The following SAMD4A variants were observed in gnomAD, a reference collection of about 807,000 sequenced individuals.
The protein encoded by SAMD4A is sterile alpha motif domain containing 4A.
In SAMD4A, 33 loss-of-function variants were observed where a neutral mutation model predicts 81.3. The ratio of observed to expected loss-of-function variants is 0.41; its 90% CI spans 0.31 to 0.54. The LOEUF is 0.54. Ranked by LOEUF, SAMD4A falls within the 20% of genes least tolerant of loss-of-function variation. The probability of loss-of-function intolerance (pLI) is 0.37; values close to 1 mark genes in which losing one functional copy is unlikely to be tolerated. For synonymous variants in SAMD4A, 389 were observed against 382.1 expected (o/e 1.02, Z -0.21); for missense variants, 854 against 951.1 (o/e 0.90, Z 1.34).
chr14:54,569,879 A>G (rs2033077985), intron 2 of SAMD4A, among the ~76,000 whole-genome samples: 1 of 152,222 alleles, frequency 6.6e-6, no homozygotes, highest in African/African-American at 2.4e-5. Context: ...TTTTCCCAAT[A>G]GAGCAGCCAC....
intron 3 of SAMD4A, among the ~76,000 whole-genome samples, chr14:54,725,633 A>G (rs771694777): frequency 6.6e-6 from 1 of 152,240 alleles, no homozygotes; most frequent in Non-Finnish European, 1.5e-5. Context: ...TTCCATTAGC[A>G]GTGTTGGTTT....
chr14:54,582,396 T>C (rs1420083646), intron 2 of SAMD4A, among the ~76,000 whole-genome samples: 2 of 152,168 alleles, frequency 1.3e-5, no homozygotes, highest in African/African-American at 4.8e-5. Flanking sequence ...TCAGCTGTTA[T>C]TCAGTCCTTG....
intron 2 of SAMD4A, among the ~76,000 whole-genome samples, chr14:54,592,131 TC>T (rs2033794521): frequency 1.3e-5 from 2 of 152,174 alleles, no homozygotes; most frequent in Admixed American, 6.5e-5. Flanking sequence ...CGTTTATTCT[TC>T]CTTGACCACC....
chr14:54,625,809 AC>A (rs1345974106), intron 2 of SAMD4A, among the ~76,000 whole-genome samples: 1 of 152,176 alleles, frequency 6.6e-6, no homozygotes, highest in Non-Finnish European at 1.5e-5. Context: ...GGTCACTCTT[AC>A]TTGACTTTGC....
intron 12 of SAMD4A, among the ~76,000 whole-genome samples, chr14:54,784,981 G>T (rs988075669): frequency 6.6e-6 from 1 of 152,200 alleles, no homozygotes; most frequent in African/African-American, 2.4e-5. Flanking sequence ...ATGAGACATG[G>T]CTTTTAGTAG....
chr14:54,575,265 A>G (rs2033254497), intron 2 of SAMD4A, among the ~76,000 whole-genome samples: 2 of 151,836 alleles, frequency 1.3e-5, no homozygotes, highest in Non-Finnish European at 2.9e-5. Context: ...TCAGAATCTG[A>G]CTCTCCTCAG....
chr14:54,786,485 C>T (rs1187019284), intron 12 of SAMD4A, among the ~76,000 whole-genome samples: 1 of 152,208 alleles, frequency 6.6e-6, no homozygotes, highest in Non-Finnish European at 1.5e-5. Context: ...GACAGTCTCC[C>T]TGGGGCCAGA....
intron 4 of SAMD4A, among the ~76,000 whole-genome samples, chr14:54,742,972 G>A (rs747952870): frequency 3.0e-4 from 46 of 152,328 alleles, no homozygotes; most frequent in Admixed American, 7.8e-4. Flanking sequence ...CTCTGAAATA[G>A]CGGGTTTGGG....
intron 2 of SAMD4A, among the ~76,000 whole-genome samples, 181 bp downstream of exon 2, chr14:54,568,293 C>A (rs2033011533): frequency 6.6e-6 from 1 of 152,140 alleles, no homozygotes; most frequent in East Asian, 1.9e-4. Context: ...CGCCCCCCAC[C>A]TACTTACCTC....
intron 7 of SAMD4A, among the ~76,000 whole-genome samples, chr14:54,761,051 T>C (rs184572343): frequency 8.5e-5 from 13 of 152,378 alleles, no homozygotes; most frequent in Admixed American, 3.9e-4. Context: ...TGTTTTGTTC[T>C]CATTCTCCCG....
chr14:54,719,152 T>G (rs2037197850), intron 3 of SAMD4A, among the ~76,000 whole-genome samples: 1 of 152,112 alleles, frequency 6.6e-6, no homozygotes, highest in Non-Finnish European at 1.5e-5. Flanking sequence ...TGAATGGGGC[T>G]TTGGCTGGGC....
intron 6 of SAMD4A, among the ~76,000 whole-genome samples, chr14:54,755,079 G>A (rs561670362): frequency 1.3e-5 from 2 of 152,320 alleles, no homozygotes; most frequent in African/African-American, 4.8e-5. Flanking sequence ...CAGAAGAGCT[G>A]GATGTTGGCC....
intron 2 of SAMD4A, among the ~76,000 whole-genome samples, chr14:54,662,966 C>T (rs1380639183): frequency 1.3e-5 from 2 of 152,166 alleles, no homozygotes; most frequent in East Asian, 1.9e-4. Context: ...ACTCTGCAGA[C>T]GTACAGCCTT....
intron 2 of SAMD4A, among the ~76,000 whole-genome samples, chr14:54,609,805 C>T (rs1380077071): frequency 6.6e-6 from 1 of 152,158 alleles, no homozygotes; most frequent in Non-Finnish European, 1.5e-5. Context: ...CAAAAGTTAG[C>T]AATCTTGTTA....
intron 2 of SAMD4A, chr14:54,688,328 T>C: frequency 1.0e-6 from 1 of 985,470 alleles, no homozygotes; most frequent in Non-Finnish European, 1.2e-6. Context: ...ACGCCCAGGC[T>C]TCTCTGGGCT....
intron 2 of SAMD4A, among the ~76,000 whole-genome samples, chr14:54,636,485 A>G (rs922900669): frequency 6.6e-6 from 1 of 152,192 alleles, no homozygotes; most frequent in African/African-American, 2.4e-5. Context: ...TCTGACTTAT[A>G]CTTTAAAAAG....
chr14:54,591,151 A>G (rs1198358584), intron 2 of SAMD4A, among the ~76,000 whole-genome samples: 2 of 152,100 alleles, frequency 1.3e-5, no homozygotes, highest in East Asian at 3.9e-4. Flanking sequence ...GATACATGAG[A>G]TAGTTGTCCA....
At chr14:54,675,367 C>CAAAACAAAAAAAAAAA (rs2035969877) in intron 2 of SAMD4A, among the ~76,000 whole-genome samples, 1 of 75,390 alleles carries the variant, frequency 1.3e-5, no homozygotes, top group Non-Finnish European at 2.5e-5. Context: ...ACTCCGTCTC[C>CAAAACAAAAAAAAAAA]AAAAAAAAAA....
chr14:54,774,085 T>A (rs2038774170), intron 9 of SAMD4A, among the ~76,000 whole-genome samples: 1 of 152,246 alleles, frequency 6.6e-6, no homozygotes, highest in Admixed American at 6.5e-5. Context: ...GTTCAAGACC[T>A]GTGTCCTCAT....
Sources: gnomAD v4.1 joint callset for allele counts (sites outside exome capture counted in the v4.1 genomes callset) on GRCh38, gnomAD v4.1.1 for gene constraint, MANE v1.5 for transcripts, NCBI Gene and HGNC (gene_info 2026-07-23, HGNC 2026-07-21) for gene names.